Variants in BAALC observed in about 807,000 individuals in gnomAD.
The protein encoded by BAALC is brain and acute leukemia cytoplasmic protein.
BAALC carries 9 observed loss-of-function variants against 15.5 expected under a neutral mutation model. The observed-to-expected ratio is 0.58, with a 90% CI of 0.35 to 1.02. BAALC has a LOEUF of 1.02. Among genes scored for constraint, BAALC ranks in the 50% least tolerant of loss-of-function variants. The probability of loss-of-function intolerance (pLI) is 0.02; values close to 1 mark genes in which losing one functional copy is unlikely to be tolerated. For synonymous variants in BAALC, 80 were observed against 74.6 expected (o/e 1.07, Z -0.37); for missense variants, 201 against 192.4 (o/e 1.04, Z -0.27).
chr8:103,158,871 A>G (rs1811160735), intron 1 of BAALC, among the ~76,000 whole-genome samples: 1 of 152,160 alleles, frequency 6.6e-6, no homozygotes, highest in Non-Finnish European at 1.5e-5. Flanking sequence ...CAAAAATGGA[A>G]CCTGCAGGGA....
chr8:103,199,669 CT>C (rs1466408040), intron 1 of BAALC, among the ~76,000 whole-genome samples: 1 of 147,820 alleles, frequency 6.8e-6, no homozygotes, highest in South Asian at 2.1e-4. Context: ...TTTTTTTTAA[CT>C]TTTAAGTTCA....
chr8:103,152,266 GT>G (rs1249936723), intron 1 of BAALC, among the ~76,000 whole-genome samples: 2 of 152,052 alleles, frequency 1.3e-5, no homozygotes, highest in East Asian at 1.9e-4. Flanking sequence ...ACTCTGCTCT[GT>G]TTTTTGCTCA....
intron 1 of BAALC, among the ~76,000 whole-genome samples, chr8:103,144,722 T>A (rs1374086209): frequency 6.6e-6 from 1 of 152,260 alleles, no homozygotes; most frequent in Non-Finnish European, 1.5e-5. Context: ...GTACTTTACA[T>A]TTTTAAATTG....
intron 2 of BAALC, among the ~76,000 whole-genome samples, chr8:103,224,385 G>A (rs1438043627): frequency 1.6e-5 from 2 of 126,542 alleles, no homozygotes; most frequent in Admixed American, 1.0e-4. Flanking sequence ...AAATACATTG[G>A]TTTGGCTCAG....
chr8:103,198,366 T>G (rs1812141455), intron 1 of BAALC, among the ~76,000 whole-genome samples: 1 of 152,290 alleles, frequency 6.6e-6, no homozygotes, highest in Non-Finnish European at 1.5e-5. Context: ...AGACAAAATG[T>G]GACATGGCTC....
In BAALC at chr8:103,212,928, A is replaced by G. The variant is rs1812481458; in HGVS notation, c.170A>G (p.Glu57Gly). 1.9e-6 allele frequency: 3 copies of G among 1,612,890 alleles called. No individual in the cohort carries two copies. In the Admixed American group the frequency reaches 5.0e-5, roughly 27 times the overall value. Residue 57 changes from glutamate (E) to glycine (G), a missense_variant, in exon 2 of 3, where the codon GAA becomes GGA. Transcript: ENST00000309982. ...TGCTTACCTCCCCCAGGCATGCTGG[A>G]AGATGGACTGCCCTCCAATGGTGTG... ...EAGGLHSGMLEDGLPSNGVPR... is the reference protein window; with the variant it reads ...EAGGLHSGMLGDGLPSNGVPR...
At chr8:103,191,784 G>T (rs1278517145) in intron 1 of BAALC, among the ~76,000 whole-genome samples, 1 of 152,144 alleles carries the variant, frequency 6.6e-6, no homozygotes, top group Non-Finnish European at 1.5e-5. Context: ...CCAGAACTTT[G>T]CAGGCACTTG....
At chr8:103,220,059 T>C (rs1812643484) in intron 2 of BAALC, among the ~76,000 whole-genome samples, 1 of 152,172 alleles carries the variant, frequency 6.6e-6, no homozygotes, top group Non-Finnish European at 1.5e-5. Context: ...CAAGGAGTCA[T>C]GATTTGGCTG....
intron 1 of BAALC, among the ~76,000 whole-genome samples, chr8:103,193,869 A>G (rs555996251): frequency 1.3e-5 from 2 of 152,344 alleles, no homozygotes; most frequent in South Asian, 4.1e-4. Context: ...TCCCTGGTAC[A>G]CAGTGAACCA....
At chr8:103,158,032 T>C (rs1312876290) in intron 1 of BAALC, among the ~76,000 whole-genome samples, 3 of 152,228 alleles carry the variant, frequency 2.0e-5, no homozygotes, top group Non-Finnish European at 4.4e-5. Context: ...GTCTCATAAA[T>C]GTTTTTCTCT....
chr8:103,171,006 C>G (rs958709751), intron 1 of BAALC, among the ~76,000 whole-genome samples: 28 of 152,076 alleles, frequency 1.8e-4, no homozygotes, highest in African/African-American at 6.8e-4. Flanking sequence ...CTTCTTATAT[C>G]TGGCTAACTT....
chr8:103,182,112 G>C lies in BAALC; in HGVS notation c.161-30807G>C, dbSNP rs117577100. ...TTATCTTCCTCATTCTGCCTCCTTTGCTGTTTCATATCCCACCCTGGTTTG... is the reference window on the plus strand; with the variant it reads ...TTATCTTCCTCATTCTGCCTCCTTTCCTGTTTCATATCCCACCCTGGTTTG... On this transcript the variant is annotated intron_variant, in intron 1 of 2. Coordinates refer to ENST00000309982, the MANE Select transcript of BAALC (RefSeq NM_024812.3). 1.9e-3 allele frequency among the ~76,000 whole-genome samples: 286 copies of C among 152,132 alleles called. 9 individuals are homozygous for C. In the East Asian group the frequency reaches 0.046, roughly 25 times the overall value.
intron 1 of BAALC, among the ~76,000 whole-genome samples, chr8:103,186,547 T>C (rs1013498586): frequency 2.5e-4 from 38 of 152,206 alleles, no homozygotes; most frequent in African/African-American, 9.2e-4. Context: ...CCAAGCTCAA[T>C]GCCTGCCCCA....
At chr8:103,185,365 A>G (rs1247302186) in intron 1 of BAALC, among the ~76,000 whole-genome samples, 1 of 151,210 alleles carries the variant, frequency 6.6e-6, no homozygotes, top group Non-Finnish European at 1.5e-5. Context: ...CTACTTTTCT[A>G]TTTTTTTCCT....
intron 1 of BAALC, among the ~76,000 whole-genome samples, chr8:103,180,308 GT>G (rs1811698094): frequency 6.6e-6 from 1 of 152,160 alleles, no homozygotes; most frequent in African/African-American, 2.4e-5. Context: ...GGTCACTATG[GT>G]TTCCAGAAAT....
At chr8:103,150,698 T>A (rs1810968047) in intron 1 of BAALC, among the ~76,000 whole-genome samples, 1 of 152,240 alleles carries the variant, frequency 6.6e-6, no homozygotes, top group Non-Finnish European at 1.5e-5. Context: ...TGAGTCTTGG[T>A]CTTTTTCTAT....
chr8:103,217,893 A>G (rs1469240945), intron 2 of BAALC, among the ~76,000 whole-genome samples: 1 of 152,234 alleles, frequency 6.6e-6, no homozygotes, highest in Non-Finnish European at 1.5e-5. Flanking sequence ...GGGGTAGAAA[A>G]GACAGACATG....
chr8:103,160,881 G>T (rs1423341751), intron 1 of BAALC, among the ~76,000 whole-genome samples: 2 of 152,060 alleles, frequency 1.3e-5, no homozygotes, highest in Admixed American at 6.6e-5. Context: ...ATTAGATGGT[G>T]CCCACCCAGA....
At chr8:103,203,278 G>C (rs780522457) in intron 1 of BAALC, among the ~76,000 whole-genome samples, 1 of 152,192 alleles carries the variant, frequency 6.6e-6, no homozygotes, top group Non-Finnish European at 1.5e-5. Context: ...TTTGGGGGCT[G>C]TTGCTAGTGC....
Sources: gnomAD v4.1 joint callset for allele counts (sites outside exome capture counted in the v4.1 genomes callset) on GRCh38, gnomAD v4.1.1 for gene constraint, MANE v1.5 for transcripts, NCBI Gene and HGNC (gene_info 2026-07-23, HGNC 2026-07-21) for gene names.